Variants in SGCD observed in about 807,000 individuals in gnomAD.
SGCD encodes the protein sarcoglycan delta, also known as delta-sarcoglycan.
In SGCD, 18 loss-of-function variants were observed where a neutral mutation model predicts 36.6. The ratio of observed to expected loss-of-function variants is 0.49; its 90% CI spans 0.34 to 0.73. The LOEUF is 0.73. Ranked by LOEUF, SGCD falls within the 30% of genes least tolerant of loss-of-function variation. The probability of loss-of-function intolerance (pLI) is 0.01; values close to 1 mark genes in which losing one functional copy is unlikely to be tolerated. For synonymous variants in SGCD, 133 were observed against 130.6 expected, an observed-to-expected ratio of 1.02 and a Z score of -0.12; for missense variants, 387 against 346.7, an observed-to-expected ratio of 1.12 and a Z score of -0.92.
chr5:156,630,677 A>G (rs937540229), intron 6 of SGCD, among the ~76,000 whole-genome samples: 2 of 152,216 alleles, frequency 1.3e-5, no homozygotes, highest in South Asian at 2.1e-4. Flanking sequence ...TTTAAAGTAC[A>G]TATGAAAATC....
At chr5:155,871,946 A>G (rs950899930) in intron 1 of SGCD, among the ~76,000 whole-genome samples, 36 of 152,196 alleles carry the variant, frequency 2.4e-4, no homozygotes, top group Admixed American at 2.2e-3. Context: ...GAGAAGCTCA[A>G]GAGGTAGAAA....
Position 156,704,666 on chromosome 5 carries a change from G to A in SGCD, c.576-52915G>A, listed in dbSNP as rs921694471. On this transcript the variant is annotated intron_variant, in intron 7 of 8. Transcript: ENST00000337851. The stretch of plus-strand genomic sequence containing the variant: ...CACAAAATAGAAAAGTGGTTTATTC[G>A]AATATTTTAGTAAAGCAGGTATCAA... 3.3e-5 allele frequency among the ~76,000 whole-genome samples: 5 copies of A among 151,930 alleles called. No individual in the cohort carries two copies. The East Asian group carries it at 5.8e-4, about 18-fold the overall frequency.
intron 6 of SGCD, among the ~76,000 whole-genome samples, chr5:156,611,008 G>A (rs951838753): frequency 4.6e-5 from 7 of 152,166 alleles, no homozygotes; most frequent in South Asian, 2.1e-4. Flanking sequence ...GCGATGCCTC[G>A]CCCTGCTTCG....
intron 3 of SGCD, among the ~76,000 whole-genome samples, chr5:156,302,945 C>T (rs948482773): frequency 6.6e-6 from 1 of 152,160 alleles, no homozygotes; most frequent in Admixed American, 6.5e-5. Flanking sequence ...TAGGTCTTAC[C>T]CAAAGCCTGC....
chr5:155,789,836 C>T, the SGCD span, among the ~76,000 whole-genome samples: 8 of 152,150 alleles, frequency 5.3e-5, no homozygotes, highest in South Asian at 2.1e-4. Flanking sequence ...ATTTGCCACA[C>T]GTCCCAAAGT....
At chr5:156,432,952 C>A (rs1045102009) in intron 3 of SGCD, among the ~76,000 whole-genome samples, 1 of 152,154 alleles carries the variant, frequency 6.6e-6, no homozygotes, top group East Asian at 1.9e-4. Flanking sequence ...TAATGCCAGG[C>A]ACCTAGCTCC....
chr5:156,546,595 CA>C (rs944573460), intron 4 of SGCD, among the ~76,000 whole-genome samples: 62 of 135,438 alleles, frequency 4.6e-4, no homozygotes, highest in African/African-American at 1.7e-3. Context: ...CTGTGACCCT[CA>C]TGCTATAGAA....
At chr5:155,795,071 C>T in the SGCD span, among the ~76,000 whole-genome samples, 2 of 151,982 alleles carry the variant, frequency 1.3e-5, no homozygotes, top group Non-Finnish European at 2.9e-5. Context: ...AAAATAACTG[C>T]CAGACTCTAA....
intron 4 of SGCD, among the ~76,000 whole-genome samples, chr5:156,579,881 T>G (rs906658620): frequency 6.6e-6 from 1 of 152,202 alleles, no homozygotes; most frequent in African/African-American, 2.4e-5. Flanking sequence ...TGCCAGTCTG[T>G]GTCTTTTAAC....
At chr5:156,412,119 C>T (rs2036557) in intron 3 of SGCD, among the ~76,000 whole-genome samples, 81,439 of 151,988 alleles carry the variant, frequency 0.54, 22,092 homozygotes, top group Middle Eastern at 0.64. Context: ...GTTTTATGTT[C>T]ACTCTTTTAA....
At chr5:155,956,797 GCC>G (rs35423272) in intron 1 of SGCD, among the ~76,000 whole-genome samples, 8,535 of 143,386 alleles carry the variant, frequency 0.06, 302 homozygotes, top group South Asian at 0.097. Context: ...TGGACTCAGG[GCC>G]CCCCCCCCCG....
At chr5:155,804,881 G>A in the SGCD span, among the ~76,000 whole-genome samples, 1 of 152,144 alleles carries the variant, frequency 6.6e-6, no homozygotes, top group Admixed American at 6.5e-5. Flanking sequence ...ACATGTGTAG[G>A]TTGAACATAG....
At chr5:156,212,788 C>A (rs1446434341) in intron 3 of SGCD, among the ~76,000 whole-genome samples, 2 of 152,012 alleles carry the variant, frequency 1.3e-5, no homozygotes, top group Non-Finnish European at 2.9e-5. Context: ...GATTGAAATT[C>A]TATCAAGTAT....
At chr5:156,593,928 A>G (rs949346537) in intron 5 of SGCD, among the ~76,000 whole-genome samples, 2 of 152,140 alleles carry the variant, frequency 1.3e-5, no homozygotes, top group African/African-American at 4.8e-5. Flanking sequence ...TCTACCCTCA[A>G]ATTTTTTTCT....
At chr5:155,947,293 TTGTGTGTG>T (rs56192140) in intron 1 of SGCD, among the ~76,000 whole-genome samples, 44,321 of 138,746 alleles carry the variant, frequency 0.32, 7,099 homozygotes, top group South Asian at 0.39. Flanking sequence ...ATAAATACTC[TTGTGTGTG>T]TGTGTGTGTG....
At chr5:156,266,781 T>TG (rs1394664259) in intron 3 of SGCD, among the ~76,000 whole-genome samples, 4 of 129,884 alleles carry the variant, frequency 3.1e-5, no homozygotes, top group Non-Finnish European at 4.7e-5. Context: ...CCCACTGTTT[T>TG]TTTTTTTTTT....
intron 3 of SGCD, among the ~76,000 whole-genome samples, chr5:156,418,173 G>A (rs1773139783): frequency 6.6e-6 from 1 of 152,094 alleles, no homozygotes; most frequent in African/African-American, 2.4e-5. Context: ...GGAGGTCTTC[G>A]GACTCCCAAT....
At chr5:156,230,348 C>A (rs1179083807) in intron 3 of SGCD, among the ~76,000 whole-genome samples, 1 of 152,152 alleles carries the variant, frequency 6.6e-6, no homozygotes, top group African/African-American at 2.4e-5. Context: ...GGCTCTTGTT[C>A]AGATTCTTTT....
chr5:156,322,412 G>C (rs904170229), upstream of SGCD, among the ~76,000 whole-genome samples: 3 of 152,164 alleles, frequency 2.0e-5, no homozygotes, highest in African/African-American at 7.2e-5. Context: ...ATGGTGTAAG[G>C]AGTAAGACAC....
Sources: gnomAD v4.1 joint callset for allele counts (sites outside exome capture counted in the v4.1 genomes callset) on GRCh38, gnomAD v4.1.1 for gene constraint, MANE v1.5 for transcripts, NCBI Gene and HGNC (gene_info 2026-07-23, HGNC 2026-07-21) for gene names.